The following WBP1L variants were observed in gnomAD, a reference collection of about 807,000 sequenced individuals.
The protein encoded by WBP1L is WW domain binding protein 1-like.
WBP1L carries 17 observed loss-of-function variants against 33.7 expected under a neutral mutation model. The ratio of observed to expected loss-of-function variants is 0.50; its 90% CI spans 0.34 to 0.76. The LOEUF is 0.76. Ranked by LOEUF, WBP1L falls within the 30% of genes least tolerant of loss-of-function variation. The pLI, the probability that WBP1L is intolerant of heterozygous loss-of-function variation, is 0.01. For missense variants in WBP1L, 389 were observed against 469.4 expected (o/e 0.83, Z 1.58); for synonymous variants, 173 against 190.8 (o/e 0.91, Z 0.77).
chr10:102,767,043 T>TTCCAGGGTAGGAAAAA (rs1026065883), intron 1 of WBP1L, among the ~76,000 whole-genome samples: 10 of 152,284 alleles, frequency 6.6e-5, no homozygotes, highest in Admixed American at 5.2e-4. Context: ...GTTAAACTGT[T>TTCCAGGGTAGGAAAAA]TCCAGGGTAG....
chr10:102,793,185 A>G (rs1443943891), intron 1 of WBP1L, among the ~76,000 whole-genome samples: 1 of 152,222 alleles, frequency 6.6e-6, no homozygotes, highest in Non-Finnish European at 1.5e-5. Context: ...TCATGCCTGT[A>G]ACCCCAGCAC....
intron 1 of WBP1L, among the ~76,000 whole-genome samples, chr10:102,797,505 CTGT>C (rs1843588901): frequency 6.6e-6 from 1 of 152,102 alleles, no homozygotes; most frequent in African/African-American, 2.4e-5. Context: ...CCCCTAAACT[CTGT>C]TGTTGTTGTG....
At chr10:102,780,306 A>G (rs967533866) in intron 1 of WBP1L, among the ~76,000 whole-genome samples, 7 of 152,314 alleles carry the variant, frequency 4.6e-5, no homozygotes, top group African/African-American at 1.7e-4. Context: ...ACTATATACC[A>G]AATTTTAGAT....
chr10:102,767,281 C>G (rs1033752051), intron 1 of WBP1L, among the ~76,000 whole-genome samples: 1 of 152,090 alleles, frequency 6.6e-6, no homozygotes, highest in Admixed American at 6.5e-5. Context: ...AAATGATTTT[C>G]TTGTTTGGGG....
chr10:102,751,291 T>G (rs962368447), intron 1 of WBP1L, among the ~76,000 whole-genome samples: 2 of 150,158 alleles, frequency 1.3e-5, no homozygotes, highest in Non-Finnish European at 3.0e-5. Flanking sequence ...TGTGTGCCAC[T>G]GCGCCCAATC....
intron 1 of WBP1L, among the ~76,000 whole-genome samples, chr10:102,796,208 A>G (rs1590187385): frequency 6.6e-6 from 1 of 151,466 alleles, no homozygotes; most frequent in African/African-American, 2.4e-5. Context: ...GCGGCGGGGG[A>G]AGGAGCACAT....
intron 1 of WBP1L, among the ~76,000 whole-genome samples, chr10:102,761,403 G>A (rs990697785): frequency 2.6e-5 from 4 of 151,588 alleles, no homozygotes; most frequent in Non-Finnish European, 5.9e-5. Context: ...GCCTCCCAAA[G>A]TGCTGGGATT....
chr10:102,810,561 T>TGTC (rs1843821829), intron 3 of WBP1L, among the ~76,000 whole-genome samples: 1 of 51,584 alleles, frequency 1.9e-5, no homozygotes, highest in African/African-American at 5.4e-5. Flanking sequence ...TCTCTCTCTA[T>TGTC]TTCTTTTTTT....
At chr10:102,804,419 TAAAAAAA>T (rs143565698) in intron 2 of WBP1L, among the ~76,000 whole-genome samples, 2 of 138,142 alleles carry the variant, frequency 1.4e-5, no homozygotes, top group Admixed American at 7.5e-5. Flanking sequence ...CTTTTTTTTT[TAAAAAAA>T]AAATTATACT....
intron 2 of WBP1L, 123 bp downstream of exon 2, chr10:102,798,218 C>A: frequency 1.3e-6 from 1 of 765,494 alleles, no homozygotes; most frequent in Non-Finnish European, 2.2e-6. Flanking sequence ...TGAGTGGAAT[C>A]TGTTTATGGG....
In WBP1L at chr10:102,810,720, C is replaced by A. The variant is rs551153780; in HGVS notation, c.355+666C>A. On this transcript the variant is annotated intron_variant, in intron 3 of 3. Transcript: ENST00000448841. ...TAGCTGGGATTACAGGCATGCACCA[C>A]CACACCCAGCTAATTTTTGTGTTTT... Among the ~76,000 whole-genome samples the A allele has an allele frequency of 5.6e-3, 858 of 151,968 alleles. 8 individuals are homozygous for A. The highest frequency in any genetic ancestry group is 0.02 in the African/African-American group (811 of 41,440).
chr10:102,810,794 T>C (rs1196286610), intron 3 of WBP1L, among the ~76,000 whole-genome samples: 1 of 151,838 alleles, frequency 6.6e-6, no homozygotes, highest in Non-Finnish European at 1.5e-5. Context: ...CTCGAACTCC[T>C]GACCTCAAGT....
At chr10:102,758,267 G>T (rs1310420727) in intron 1 of WBP1L, among the ~76,000 whole-genome samples, 2 of 151,946 alleles carry the variant, frequency 1.3e-5, no homozygotes, top group Non-Finnish European at 2.9e-5. Flanking sequence ...TAATTAAGTG[G>T]TTTTTAATAT....
intron 1 of WBP1L, among the ~76,000 whole-genome samples, chr10:102,745,110 G>A (rs1225080879): frequency 3.9e-5 from 6 of 152,098 alleles, no homozygotes; most frequent in Admixed American, 3.3e-4. Flanking sequence ...TTTCAGAAAG[G>A]CATACACACA....
At chr10:102,788,738 T>C (rs1285616526) in intron 1 of WBP1L, among the ~76,000 whole-genome samples, 1 of 152,176 alleles carries the variant, frequency 6.6e-6, no homozygotes, top group Non-Finnish European at 1.5e-5. Context: ...CCATTCCTGG[T>C]TCAAGAATGG....
At position 102,812,805 on chromosome 10, in the gene WBP1L, G is replaced by A; in HGVS notation, c.566G>A (p.Ser189Asn). Residue 189 changes from serine (S) to asparagine (N), a missense_variant, in exon 4 of 4, where the codon AGC becomes AAC. Transcript: ENST00000448841. Reference protein sequence around the residue: ...SSPLSEPSRSSTRPPSIADPD... With the variant: ...SSPLSEPSRSNTRPPSIADPD... ...CCCTTGTCTGAGCCCAGCAGAAGCA[G>A]CACAAGACCCCCAAGCATCGCTGAC... The A allele has an allele frequency of 1.2e-6, 2 of 1,600,998 alleles. No homozygotes were observed. Among genetic ancestry groups the A allele is most frequent in the Non-Finnish European group, 1.7e-6 (2 of 1,173,744 alleles).
chr10:102,793,809 C>T (rs284843), intron 1 of WBP1L, among the ~76,000 whole-genome samples: 37,518 of 151,718 alleles, frequency 0.25, 4,809 homozygotes, highest in Admixed American at 0.29. Flanking sequence ...GGCTCTGTCA[C>T]CCAGGCTAGC....
intron 2 of WBP1L, chr10:102,804,104 G>C (rs1843697646): frequency 6.6e-6 from 1 of 151,950 alleles, no homozygotes; most frequent in Non-Finnish European, 1.5e-5. Context: ...TTTTTCCTAA[G>C]TTGGCCAGGT....
chr10:102,762,924 G>A (rs1843058896), intron 1 of WBP1L, among the ~76,000 whole-genome samples: 1 of 152,128 alleles, frequency 6.6e-6, no homozygotes. Context: ...AGAGACTGAG[G>A]CTGGGTGCAG....
Sources: allele counts gnomAD v4.1 joint callset (sites outside exome capture counted in the v4.1 genomes callset), GRCh38; gene constraint gnomAD v4.1.1; transcripts MANE v1.5; gene names NCBI Gene and HGNC (gene_info 2026-07-23, HGNC 2026-07-21).